The following ROR2 variants were observed in gnomAD, a reference collection of about 807,000 sequenced individuals.
The protein encoded by ROR2 is tyrosine-protein kinase transmembrane receptor ROR2.
A neutral mutation model predicts 74.9 loss-of-function variants in ROR2; 33 were observed. The observed-to-expected ratio is 0.44, with a 90% CI of 0.33 to 0.59. The LOEUF (loss-of-function observed/expected upper bound fraction) is 0.59, where lower values mean the gene tolerates loss of function less well. Ranked by LOEUF, ROR2 falls within the 20% of genes least tolerant of loss-of-function variation. The probability of loss-of-function intolerance (pLI) is 0.02; values close to 1 mark genes in which losing one functional copy is unlikely to be tolerated. For missense variants in ROR2, 1,216 were observed against 1,313.8 expected (o/e 0.93, Z 1.15); for synonymous variants, 586 against 558.7 (o/e 1.05, Z -0.69).
intron 1 of ROR2, among the ~76,000 whole-genome samples, chr9:91,830,329 G>T (rs1327193454): frequency 6.6e-6 from 1 of 152,140 alleles, no homozygotes; most frequent in East Asian, 1.9e-4. Flanking sequence ...AAATTAGCCA[G>T]ATATGGTGGT....
intron 1 of ROR2, among the ~76,000 whole-genome samples, chr9:91,779,627 TC>T (rs1826545715): frequency 6.6e-6 from 1 of 152,086 alleles, no homozygotes; most frequent in African/African-American, 2.4e-5. Flanking sequence ...CACCTCAGCC[TC>T]CCAAAGTGCT....
intron 1 of ROR2, among the ~76,000 whole-genome samples, chr9:91,876,049 C>CAA (rs112844159): frequency 0.033 from 4,269 of 129,974 alleles, 207 homozygotes; most frequent in African/African-American, 0.11. Flanking sequence ...CTGCAGGGGG[C>CAA]AAAAAAAAAA....
chr9:91,782,584 CAAAAAAAAAAA>C (rs55664591), intron 1 of ROR2, among the ~76,000 whole-genome samples: 1 of 79,796 alleles, frequency 1.3e-5, no homozygotes, highest in South Asian at 4.8e-4. Context: ...TAGCTGATAG[CAAAAAAAAAAA>C]AAAAAAAAAA....
At chr9:91,851,997 G>C (rs1045616097) in intron 1 of ROR2, among the ~76,000 whole-genome samples, 5 of 151,132 alleles carry the variant, frequency 3.3e-5, no homozygotes, top group African/African-American at 1.2e-4. Context: ...AAAGACAATA[G>C]GGTTTTCTTC....
At chr9:91,746,087 T>G (rs951640361) in intron 4 of ROR2, among the ~76,000 whole-genome samples, 3 of 152,104 alleles carry the variant, frequency 2.0e-5, no homozygotes, top group African/African-American at 7.2e-5. Context: ...TATTTATTTA[T>G]TTTTTAAAAC....
At chr9:91,839,279 T>TGTGTGTGAGTACAGGC (rs1828712642) in intron 1 of ROR2, among the ~76,000 whole-genome samples, 1 of 136,494 alleles carries the variant, frequency 7.3e-6, no homozygotes, top group African/African-American at 3.3e-5. Context: ...TGTGTGTGTG[T>TGTGTGTGAGTACAGGC]GTGTGTGTGT....
chr9:91,739,324 T>C (rs1825140851), intron 4 of ROR2, among the ~76,000 whole-genome samples: 1 of 152,002 alleles, frequency 6.6e-6, no homozygotes, highest in African/African-American at 2.4e-5. Context: ...CTGGGCAACA[T>C]GGTGAAACCC....
intron 1 of ROR2, among the ~76,000 whole-genome samples, chr9:91,777,919 T>C (rs1435159353): frequency 6.6e-6 from 1 of 152,100 alleles, no homozygotes; most frequent in Non-Finnish European, 1.5e-5. Context: ...AACAAGGCCA[T>C]TAATTTGGCT....
At chr9:91,940,832 C>T (rs564714442) in intron 1 of ROR2, among the ~76,000 whole-genome samples, 1 of 152,100 alleles carries the variant, frequency 6.6e-6, no homozygotes, top group East Asian at 1.9e-4. Flanking sequence ...GAACCCCTGA[C>T]CTCAGGTGAT....
chr9:91,844,705 G>T (rs772867637), intron 1 of ROR2, among the ~76,000 whole-genome samples: 3 of 152,136 alleles, frequency 2.0e-5, no homozygotes, highest in Non-Finnish European at 4.4e-5. Context: ...GGTGTAATAG[G>T]TTCGTGGCTA....
At chr9:91,944,159 T>G (rs746159628) in intron 1 of ROR2, among the ~76,000 whole-genome samples, 4 of 152,206 alleles carry the variant, frequency 2.6e-5, no homozygotes, top group Non-Finnish European at 5.9e-5. Context: ...TGTAGCCTAC[T>G]TCTCCTAGGC....
chr9:91,766,540 G>A (rs910198230), intron 2 of ROR2, among the ~76,000 whole-genome samples: 1 of 152,164 alleles, frequency 6.6e-6, no homozygotes, highest in Non-Finnish European at 1.5e-5. Flanking sequence ...TTCTCTAGGG[G>A]CCAAACATGA....
At chr9:91,842,910 A>C (rs534872264) in intron 1 of ROR2, among the ~76,000 whole-genome samples, 1 of 152,336 alleles carries the variant, frequency 6.6e-6, no homozygotes, top group East Asian at 1.9e-4. Context: ...CCCTCTCTCG[A>C]GCAGAGGTGA....
In ROR2 at chr9:91,733,307, A is replaced by G. The variant is rs761308967; in HGVS notation, c.752T>C (p.Leu251Pro). The change falls in exon 6 of 9, where the codon CTG (leucine) becomes CCG (proline). Residue 251 changes from leucine to proline, a missense_variant. By Grantham distance (98) the Leu-to-Pro change is moderately conservative (BLOSUM62 -3). Transcript: ENST00000375708. This position sits in a 1 kb window ranked among gnomAD's most constrained non-coding sequence, Gnocchi z 5.7. Reference sequence around the variant, plus strand: ...CAGCACCTCGCACTCGTCGCGGCACAGCTCACGCGGCTTGGGTGTCCGGGA... The same window carrying G: ...CAGCACCTCGCACTCGTCGCGGCACGGCTCACGCGGCTTGGGTGTCCGGGA... ...ARSRTPKPRE[L>P]CRDECEVLES... 2.5e-6 allele frequency: 4 copies of G among 1,612,844 alleles called. No individual in the cohort carries two copies. Among genetic ancestry groups the G allele is most frequent in the Non-Finnish European group, 3.4e-6 (4 of 1,179,750 alleles).
chr9:91,725,205 C>G, intron 8 of ROR2, 98 bp from the exon 9 acceptor site: 1 of 1,594,074 alleles, frequency 6.3e-7, no homozygotes, highest in Non-Finnish European at 8.5e-7. Context: ...TGTGCGGCCA[C>G]GACTAGGGGG....
chr9:91,909,827 T>TTTTTAGG, intron 1 of ROR2, among the ~76,000 whole-genome samples: 1 of 90,068 alleles, frequency 1.1e-5, no homozygotes, highest in African/African-American at 3.2e-5. Flanking sequence ...TTTATTCTTT[T>TTTTTAGG]TTTTTTTTAG....
At position 91,924,907 on chromosome 9, in the gene ROR2, C is replaced by T. The variant is rs548939708; in HGVS notation, c.97+24960G>A. Among the ~76,000 whole-genome samples the T allele has an allele frequency of 9.2e-5, 14 of 152,216 alleles. No homozygotes were observed. In the South Asian group the frequency reaches 2.9e-3, roughly 32 times the overall value. Reference sequence around the variant, plus strand: ...TCATACATGCTGGAGTGCAGTGGCACAATCATACCTCACTGCAGCCTCAAC... The same window carrying T: ...TCATACATGCTGGAGTGCAGTGGCATAATCATACCTCACTGCAGCCTCAAC... On this transcript the variant is annotated intron_variant, in intron 1 of 8. Coordinates refer to ENST00000375708, the MANE Select transcript of ROR2 (RefSeq NM_004560.4).
At chr9:91,765,241 C>T (rs140543104) in intron 2 of ROR2, among the ~76,000 whole-genome samples, 121 of 152,344 alleles carry the variant, frequency 7.9e-4, no homozygotes, top group Middle Eastern at 3.4e-3. Context: ...TACCCTGTAA[C>T]ATACCCATCA....
intron 4 of ROR2, among the ~76,000 whole-genome samples, chr9:91,743,685 C>T (rs535330380): frequency 2.0e-4 from 31 of 152,214 alleles, no homozygotes; most frequent in African/African-American, 7.0e-4. Flanking sequence ...GGGCAACGTC[C>T]TCCTCAAAAC....
Sources: gnomAD v4.1 joint callset for allele counts (sites outside exome capture counted in the v4.1 genomes callset) on GRCh38, gnomAD v4.1.1 for gene constraint, Gnocchi (gnomAD v3.1) non-coding constraint, MANE v1.5 for transcripts, NCBI Gene and HGNC (gene_info 2026-07-23, HGNC 2026-07-21) for gene names.